The following ANKRD44 variants were observed in gnomAD, a reference collection of about 807,000 sequenced individuals.
The protein encoded by ANKRD44 is ankyrin repeat domain 44, also known as serine/threonine-protein phosphatase 6 regulatory ankyrin repeat subunit B.
Under a neutral mutation model 116.0 loss-of-function variants are expected in ANKRD44, and 35 were observed. That is an observed-to-expected ratio of 0.30 (90% CI 0.23 to 0.40). ANKRD44 has a LOEUF of 0.40. Among genes scored for constraint, ANKRD44 ranks in the 10% least tolerant of loss-of-function variants. The pLI, the probability that ANKRD44 is intolerant of heterozygous loss-of-function variation, is 1.00. For synonymous variants in ANKRD44, 435 were observed against 461.8 expected (o/e 0.94, Z 0.74); for missense variants, 1,014 against 1,242.6 (o/e 0.82, Z 2.77).
intron 2 of ANKRD44, among the ~76,000 whole-genome samples, chr2:197,176,073 G>T (rs2080357452): frequency 3.3e-5 from 5 of 152,108 alleles, no homozygotes; most frequent in Admixed American, 3.3e-4. Flanking sequence ...TGGATGTGAT[G>T]GCTGGGGCTC....
intron 16 of ANKRD44, among the ~76,000 whole-genome samples, chr2:197,051,456 C>T (rs1419324917): frequency 6.6e-6 from 1 of 152,124 alleles, no homozygotes; most frequent in Non-Finnish European, 1.5e-5. Context: ...TGCAGTGGCA[C>T]AATCATAGCT....
intron 2 of ANKRD44, among the ~76,000 whole-genome samples, chr2:197,160,310 C>T (rs927680132): frequency 3.9e-5 from 6 of 152,200 alleles, no homozygotes; most frequent in Non-Finnish European, 8.8e-5. Flanking sequence ...AATGACATCT[C>T]TGTGGCTTAT....
chr2:197,310,692 G>C lies in ANKRD44; in HGVS notation c.-88C>G. 8.0e-7 allele frequency: 1 copy of C among 1,245,468 alleles called. No homozygotes were observed. Among genetic ancestry groups the C allele is most frequent in the Non-Finnish European group, 1.0e-6 (1 of 968,168 alleles). The allele number at this position is 1,245,468 out of a possible 1,614,324, so 77.2% of individuals were successfully genotyped here. On this transcript the variant is annotated 5_prime_UTR_variant, in exon 1 of 28. Transcript: ENST00000282272. The stretch of plus-strand genomic sequence containing the variant: ...CCGGGGAAGCGGAAGGGATTGCCAG[G>C]AGAAGGGAAAAAATCTGGCTCCCGA...
At chr2:197,084,999 C>T (rs1403009033) in intron 13 of ANKRD44, among the ~76,000 whole-genome samples, 1 of 152,118 alleles carries the variant, frequency 6.6e-6, no homozygotes, top group East Asian at 1.9e-4. Flanking sequence ...ACACAAGCAC[C>T]TCGTAAAGGG....
intron 1 of ANKRD44, among the ~76,000 whole-genome samples, chr2:197,284,114 G>A (rs2083338911): frequency 1.3e-5 from 2 of 152,134 alleles, no homozygotes; most frequent in Admixed American, 1.3e-4. Flanking sequence ...GAGGCATATT[G>A]CATCTTCTCC....
At chr2:197,299,635 G>C (rs1393144440) in intron 1 of ANKRD44, 1 of 152,176 alleles carries the variant, frequency 6.6e-6, no homozygotes, top group Non-Finnish European at 1.5e-5. Flanking sequence ...AAGCTATGAA[G>C]ACACGAAGGC....
intron 16 of ANKRD44, chr2:197,077,972 T>C (rs2077707910): frequency 6.6e-6 from 1 of 152,120 alleles, no homozygotes; most frequent in South Asian, 2.1e-4. Context: ...GAAATAATGG[T>C]ACCAAAATGG....
intron 4 of ANKRD44, among the ~76,000 whole-genome samples, chr2:197,132,856 AG>A (rs1454400186): frequency 2.0e-5 from 3 of 152,188 alleles, no homozygotes; most frequent in Non-Finnish European, 4.4e-5. Context: ...GGCAAGCAAT[AG>A]GCATGGCATA....
chr2:197,012,543 GTT>G (rs142777128), intron 18 of ANKRD44, among the ~76,000 whole-genome samples: 1 of 144,282 alleles, frequency 6.9e-6, no homozygotes, highest in Admixed American at 6.9e-5. Context: ...TATGGCTAAC[GTT>G]TTTTTTTTTT....
intron 8 of ANKRD44, among the ~76,000 whole-genome samples, chr2:197,111,157 G>A (rs1020283998): frequency 6.6e-6 from 1 of 152,132 alleles, no homozygotes; most frequent in Non-Finnish European, 1.5e-5. Flanking sequence ...AACATCACAT[G>A]TTTTAAAAGC....
At chr2:197,034,458 G>A (rs547654367) in intron 16 of ANKRD44, among the ~76,000 whole-genome samples, 32 of 146,822 alleles carry the variant, frequency 2.2e-4, no homozygotes, top group African/African-American at 7.6e-4. Flanking sequence ...TAAATCCAAC[G>A]TGCATATCTA....
intron 1 of ANKRD44, among the ~76,000 whole-genome samples, chr2:197,267,604 C>A (rs1463471527): frequency 6.6e-6 from 1 of 152,178 alleles, no homozygotes; most frequent in Non-Finnish European, 1.5e-5. Flanking sequence ...AATAAGTGTA[C>A]CCAATCAATT....
intron 1 of ANKRD44, among the ~76,000 whole-genome samples, chr2:197,279,624 T>C (rs952315040): frequency 2.0e-5 from 3 of 152,188 alleles, no homozygotes; most frequent in African/African-American, 7.2e-5. Flanking sequence ...TTTTTCTCTC[T>C]TCCCTTGCTG....
At chr2:197,180,856 A>C (rs1002625157) in intron 2 of ANKRD44, among the ~76,000 whole-genome samples, 12 of 152,218 alleles carry the variant, frequency 7.9e-5, no homozygotes, top group African/African-American at 2.9e-4. Context: ...TTTAAAAGAA[A>C]TAGTGCAACA....
intron 1 of ANKRD44, among the ~76,000 whole-genome samples, chr2:197,308,580 T>G (rs2084145030): frequency 6.6e-6 from 1 of 152,170 alleles, no homozygotes; most frequent in African/African-American, 2.4e-5. Flanking sequence ...TAAAACGCCT[T>G]AGGTTCTTTT....
chr2:197,173,275 C>A (rs993419609), intron 2 of ANKRD44, among the ~76,000 whole-genome samples: 2 of 152,136 alleles, frequency 1.3e-5, no homozygotes, highest in Admixed American at 6.5e-5. Flanking sequence ...GTAAAATCTT[C>A]CTTAACTTTT....
chr2:197,029,962 C>A, intron 16 of ANKRD44: 2 of 174,906 alleles, frequency 1.1e-5, no homozygotes, highest in South Asian at 2.7e-4. Flanking sequence ...TCTACAGTGC[C>A]AATGGCACCA....
chr2:197,104,476 A>G (rs1396927068), intron 9 of ANKRD44, among the ~76,000 whole-genome samples: 3 of 152,194 alleles, frequency 2.0e-5, no homozygotes, highest in Admixed American at 1.3e-4. Context: ...CCCTTGATAC[A>G]CACCAGCAAA....
intron 1 of ANKRD44, chr2:197,263,160 C>A: frequency 2.1e-6 from 1 of 474,642 alleles, no homozygotes; most frequent in South Asian, 2.0e-5. Context: ...GTCAAGAGCG[C>A]CTCACAGCTG....
Sources: gnomAD v4.1 joint callset for allele counts (sites outside exome capture counted in the v4.1 genomes callset) on GRCh38, gnomAD v4.1.1 for gene constraint, MANE v1.5 for transcripts, NCBI Gene and HGNC (gene_info 2026-07-23, HGNC 2026-07-21) for gene names.